The following EPC1 variants were observed in gnomAD, a reference collection of about 807,000 sequenced individuals.
The protein encoded by EPC1 is enhancer of polycomb homolog 1.
In EPC1, 12 loss-of-function variants were observed where a neutral mutation model predicts 98.4. That is an observed-to-expected ratio of 0.12 (90% CI 0.08 to 0.20). The LOEUF is 0.20. Among genes scored for constraint, EPC1 ranks in the 10% least tolerant of loss-of-function variants. EPC1 has a pLI of 1.00. For synonymous variants in EPC1, 357 were observed against 363.9 expected, an observed-to-expected ratio of 0.98 and a Z score of 0.21; for missense variants, 729 against 990.5, an observed-to-expected ratio of 0.74 and a Z score of 3.54.
chr10:32,276,776 T>G (rs1304484224), intron 10 of EPC1, among the ~76,000 whole-genome samples: 1 of 152,174 alleles, frequency 6.6e-6, no homozygotes, highest in Non-Finnish European at 1.5e-5. Context: ...AAAATGACCA[T>G]GCTCACCCTC....
chr10:32,291,084 GTT>G lies in EPC1; in HGVS notation c.975+77_975+78del. On this transcript the variant is annotated intron_variant, in intron 6 of 13. Coordinates refer to ENST00000319778, the MANE Select transcript of EPC1 (RefSeq NM_001272004.3). ...GAGCCACTGTGCCCGGCCTATGTGT[GTT>G]TTTCTTTTTAACTTTCATTCTAATG... The G allele has an allele frequency of 2.2e-6, 3 of 1,384,116 alleles. No individual in the cohort carries two copies. The South Asian group carries it at 3.8e-5, about 17-fold the overall frequency. The allele number at this position is 1,384,116 out of a possible 1,614,324, so 85.7% of individuals were successfully genotyped here.
intron 1 of EPC1, among the ~76,000 whole-genome samples, chr10:32,374,119 TTAAC>T (rs1487116444): frequency 6.6e-6 from 1 of 152,202 alleles, no homozygotes; most frequent in African/African-American, 2.4e-5. Flanking sequence ...CCTGATATGT[TTAAC>T]TAATTAACCA....
Position 32,278,906 on chromosome 10 carries a change from G to C in EPC1, c.1745-5625C>G, listed in dbSNP as rs915164017. Among the ~76,000 whole-genome samples, 12 of 152,156 alleles carry C rather than the reference G, an allele frequency of 7.9e-5. No individual in the cohort carries two copies. The East Asian group carries it at 2.1e-3, about 27-fold the overall frequency. On this transcript the variant is annotated intron_variant, in intron 10 of 13. Transcript: ENST00000319778. ...TGACCTCATCTGGCCGTGAATGACT[G>C]AACATGAGATTATTTGCAGTCAAAT...
intron 1 of EPC1, among the ~76,000 whole-genome samples, chr10:32,341,802 G>A (rs1189117110): frequency 2.0e-5 from 3 of 152,176 alleles, no homozygotes; most frequent in Non-Finnish European, 1.5e-5. Context: ...CTGCCAAACT[G>A]AGATAAAACC....
chr10:32,342,390 T>A (rs562503409), intron 1 of EPC1, among the ~76,000 whole-genome samples: 1 of 152,302 alleles, frequency 6.6e-6, no homozygotes, highest in East Asian at 1.9e-4. Context: ...GGGGTAACCA[T>A]TTTTTTCTCA....
intron 2 of EPC1, among the ~76,000 whole-genome samples, chr10:32,305,427 C>T (rs1421691953): frequency 6.6e-6 from 1 of 152,090 alleles, no homozygotes; most frequent in East Asian, 1.9e-4. Flanking sequence ...CTGACTCTCA[C>T]TTACATCAAG....
At chr10:32,371,818 G>A (rs979358021) in intron 1 of EPC1, among the ~76,000 whole-genome samples, 1 of 152,038 alleles carries the variant, frequency 6.6e-6, no homozygotes, top group Admixed American at 6.6e-5. Flanking sequence ...CAGGAGAATT[G>A]CTTGAAACCA....
chr10:32,328,550 A>G (rs1837441167), intron 1 of EPC1, among the ~76,000 whole-genome samples: 1 of 152,220 alleles, frequency 6.6e-6, no homozygotes, highest in African/African-American at 2.4e-5. Context: ...ATATTTTCCA[A>G]TGACTACTTC....
chr10:32,273,320 A>G (rs1835928121), intron 10 of EPC1, 39 bp from the exon 11 acceptor site: 2 of 1,601,306 alleles, frequency 1.2e-6, no homozygotes, highest in Non-Finnish European at 1.7e-6. Flanking sequence ...AAAAATGCCC[A>G]GCTGTCATGT....
chr10:32,327,439 C>T (rs1837366186), intron 1 of EPC1, among the ~76,000 whole-genome samples: 1 of 152,040 alleles, frequency 6.6e-6, no homozygotes, highest in South Asian at 2.1e-4. Context: ...TCAAAATAGC[C>T]AGAAGAAAGG....
At chr10:32,288,571 A>G (rs1467338528) in intron 6 of EPC1, among the ~76,000 whole-genome samples, 3 of 147,108 alleles carry the variant, frequency 2.0e-5, no homozygotes, top group Non-Finnish European at 4.5e-5. Context: ...GGCTGGTTTC[A>G]AACTCTTGAC....
intron 1 of EPC1, among the ~76,000 whole-genome samples, chr10:32,311,089 T>C (rs1836188277): frequency 1.3e-5 from 2 of 151,754 alleles, no homozygotes; most frequent in South Asian, 4.2e-4. Context: ...GGCGGGCGGA[T>C]CACGAGGTCA....
intron 1 of EPC1, among the ~76,000 whole-genome samples, chr10:32,352,202 G>T (rs188181550): frequency 0.01 from 1,570 of 151,324 alleles, 17 homozygotes; most frequent in Non-Finnish European, 0.018. Flanking sequence ...CTGCCACCAC[G>T]CCCGGCTAAT....
rs199937261 is a variant in EPC1, at chr10:32,284,734, T to A, written c.1708A>T (p.Thr570Ser). 8 of 1,614,086 alleles carry A rather than the reference T, an allele frequency of 5.0e-6. No individual in the cohort carries two copies. The Admixed American group carries it at 1.3e-4, about 27-fold the overall frequency. The change falls in exon 10 of 14, where the codon ACG becomes TCG. Residue 570 changes from threonine to serine, a missense_variant. Transcript: ENST00000319778. ...GAACCACTGCTACTTTTACTTTGCG[T>A]AGAGGTACTGCATGTCTGGGTCCCA... ...QPGTQTCSTS[T>S]QSKSSSGSAH...
intron 1 of EPC1, among the ~76,000 whole-genome samples, chr10:32,343,792 T>C (rs527680992): frequency 6.6e-6 from 1 of 151,954 alleles, no homozygotes; most frequent in African/African-American, 2.4e-5. Flanking sequence ...ACTGGTTAAA[T>C]GGGAATACAC....
intron 1 of EPC1, among the ~76,000 whole-genome samples, chr10:32,363,308 C>T (rs950135442): frequency 1.3e-5 from 2 of 152,152 alleles, no homozygotes; most frequent in Non-Finnish European, 2.9e-5. Flanking sequence ...CTCGAACTCC[C>T]GTGCTCAAAG....
chr10:32,336,540 A>G (rs986680317), intron 1 of EPC1, among the ~76,000 whole-genome samples: 2 of 152,190 alleles, frequency 1.3e-5, no homozygotes, highest in Non-Finnish European at 2.9e-5. Context: ...TTGAGCCCTC[A>G]GCAAGTCTAT....
intron 1 of EPC1, among the ~76,000 whole-genome samples, chr10:32,371,445 A>T (rs1839745725): frequency 6.6e-6 from 1 of 152,348 alleles, no homozygotes; most frequent in East Asian, 1.9e-4. Flanking sequence ...GGTCTTTCAC[A>T]GATGGACCTT....
rs1836740068 is a variant in EPC1, at chr10:32,287,274, G to C, written c.976C>G (p.Gln326Glu). ...GGTCGGATAAGATCGGCTTTATCTT[G>C]CTGCAACAAAGACATGAATTAATTA... Reference protein sequence around the residue: ...MDVKEFKVNKQDKADLIRPKR... With the variant: ...MDVKEFKVNKEDKADLIRPKR... The change falls in exon 7 of 14, where the codon CAA (glutamine) becomes GAA (glutamate). Residue 326 changes from glutamine to glutamate, a missense_variant and splice_region_variant. This residue lies in a region of EPC1 where 390 missense variants were observed against 438.6 expected (regional missense o/e 0.89). Transcript: ENST00000319778. The C allele has an allele frequency of 6.2e-7, 1 of 1,613,496 alleles. No individual in the cohort carries two copies. Among genetic ancestry groups the C allele is most frequent in the Non-Finnish European group, 8.5e-7 (1 of 1,179,906 alleles).
Sources: allele counts gnomAD v4.1 joint callset (sites outside exome capture counted in the v4.1 genomes callset), GRCh38; gene constraint gnomAD v4.1.1; regional missense constraint gnomAD v4.1.1; transcripts MANE v1.5; gene names NCBI Gene and HGNC (gene_info 2026-07-23, HGNC 2026-07-21).